Variants in LHFPL3 observed in about 807,000 individuals in gnomAD.
LHFPL3 encodes LHFPL tetraspan subfamily member 3 protein.
In LHFPL3, 5 loss-of-function variants were observed where a neutral mutation model predicts 19.3. That is an observed-to-expected ratio of 0.26 (90% CI 0.14 to 0.54). The LOEUF (loss-of-function observed/expected upper bound fraction) is 0.54, where lower values mean the gene tolerates loss of function less well. LHFPL3 is among the 20% of genes least tolerant of loss of function. LHFPL3 has a pLI of 0.94. For missense variants in LHFPL3, 249 were observed against 307.4 expected, an observed-to-expected ratio of 0.81 and a Z score of 1.42; for synonymous variants, 133 against 126.2, an observed-to-expected ratio of 1.05 and a Z score of -0.36.
intron 1 of LHFPL3, among the ~76,000 whole-genome samples, chr7:104,576,987 A>G (rs1420383993): frequency 1.3e-5 from 2 of 152,074 alleles, no homozygotes; most frequent in African/African-American, 4.8e-5. Context: ...CTCTATCTCC[A>G]TTCTTCTTTT....
chr7:104,584,725 T>A (rs1790532185), intron 1 of LHFPL3, among the ~76,000 whole-genome samples: 1 of 152,110 alleles, frequency 6.6e-6, no homozygotes, highest in African/African-American at 2.4e-5. Flanking sequence ...AAAATGCTCA[T>A]AGTGCCACTT....
intron 1 of LHFPL3, among the ~76,000 whole-genome samples, chr7:104,571,782 T>G (rs2115990954): frequency 6.6e-6 from 1 of 152,264 alleles, no homozygotes; most frequent in African/African-American, 2.4e-5. Context: ...GGCTAAACCT[T>G]CTCACTATTT....
rs1470608668 is a variant in LHFPL3, at chr7:104,399,662, C to T, written c.445+70438C>T. ...TTTTTTTTTTTTTTTTTGGTAGAGA[C>T]GGGGTTTCACCATATTGGCCAGGCT... On this transcript the variant is annotated intron_variant, in intron 1 of 2. Transcript: ENST00000424859. The surrounding 1 kb of genome is among the most constrained non-coding windows in gnomAD (Gnocchi z 4.4). Among the ~76,000 whole-genome samples, 7 of 145,670 alleles carry T rather than the reference C, an allele frequency of 4.8e-5. No individual in the cohort carries two copies. Among genetic ancestry groups the T allele is most frequent in the East Asian group, 2.1e-4 (1 of 4,864 alleles).
chr7:104,597,889 G>T (rs904837233), intron 1 of LHFPL3, among the ~76,000 whole-genome samples: 17 of 152,172 alleles, frequency 1.1e-4, no homozygotes, highest in Non-Finnish European at 2.1e-4. Context: ...ACAGGATCTA[G>T]TTTGAGGCAC....
intron 1 of LHFPL3, among the ~76,000 whole-genome samples, chr7:104,679,429 T>C (rs10279375): frequency 0.5 from 75,828 of 152,112 alleles, 19,255 homozygotes; most frequent in South Asian, 0.65. Context: ...CAAGTCCAGC[T>C]CATATTCAAG....
intron 2 of LHFPL3, among the ~76,000 whole-genome samples, chr7:104,877,633 G>C (rs927562573): frequency 6.6e-6 from 1 of 152,120 alleles, no homozygotes; most frequent in African/African-American, 2.4e-5. Context: ...TGTTGATGAA[G>C]ATATGGAGAA....
intron 1 of LHFPL3, among the ~76,000 whole-genome samples, chr7:104,391,085 C>G (rs537582132): frequency 6.6e-6 from 1 of 152,164 alleles, no homozygotes; most frequent in Admixed American, 6.5e-5. Flanking sequence ...TGGATATTAG[C>G]CCTTTGTCAG....
chr7:104,488,919 G>A (rs1486579112), intron 1 of LHFPL3, among the ~76,000 whole-genome samples: 1 of 152,200 alleles, frequency 6.6e-6, no homozygotes, highest in Non-Finnish European at 1.5e-5. Context: ...TAGGATTTCA[G>A]GCAAAGAGAA....
At chr7:104,665,818 A>T (rs541661369) in intron 1 of LHFPL3, among the ~76,000 whole-genome samples, 26 of 152,336 alleles carry the variant, frequency 1.7e-4, no homozygotes, top group African/African-American at 6.3e-4. Flanking sequence ...CTAGATTGAC[A>T]GGTGTCTTTA....
At chr7:104,760,110 G>A (rs1794348915) in intron 2 of LHFPL3, among the ~76,000 whole-genome samples, 2 of 152,176 alleles carry the variant, frequency 1.3e-5, no homozygotes, top group South Asian at 4.1e-4. Context: ...TTCAGAGTGA[G>A]GCCTGAGAAT....
At chr7:104,524,625 A>G (rs541760609) in intron 1 of LHFPL3, among the ~76,000 whole-genome samples, 4 of 152,212 alleles carry the variant, frequency 2.6e-5, no homozygotes, top group Non-Finnish European at 5.9e-5. Flanking sequence ...ACTGACTCAC[A>G]GTATTGTTCG....
intron 1 of LHFPL3, among the ~76,000 whole-genome samples, chr7:104,540,845 T>C (rs1405003147): frequency 1.3e-5 from 2 of 152,140 alleles, no homozygotes; most frequent in Admixed American, 6.5e-5. Context: ...CAGTCACTTA[T>C]TGATTATTCT....
At chr7:104,890,359 C>G (rs1048093874) in intron 2 of LHFPL3, among the ~76,000 whole-genome samples, 2 of 152,168 alleles carry the variant, frequency 1.3e-5, no homozygotes, top group African/African-American at 4.8e-5. Flanking sequence ...AGACAGGAGG[C>G]CTTACTGGTC....
At chr7:104,542,203 G>C (rs116594452) in intron 1 of LHFPL3, among the ~76,000 whole-genome samples, 2,432 of 152,154 alleles carry the variant, frequency 0.016, 58 homozygotes, top group African/African-American at 0.056. Flanking sequence ...TGAGGCCCCA[G>C]TTCCAGGACC....
chr7:104,477,531 A>G (rs762564658), intron 1 of LHFPL3, among the ~76,000 whole-genome samples: 5 of 152,162 alleles, frequency 3.3e-5, no homozygotes, highest in South Asian at 4.2e-4. Context: ...AAAGAAAGGT[A>G]AGTAGGAGCT....
chr7:104,706,003 C>G (rs1793185018), intron 1 of LHFPL3, among the ~76,000 whole-genome samples: 1 of 152,150 alleles, frequency 6.6e-6, no homozygotes, highest in Non-Finnish European at 1.5e-5. Context: ...GACCTTGACT[C>G]TGAGGTTGGC....
At chr7:104,586,660 A>G (rs1386474329) in intron 1 of LHFPL3, among the ~76,000 whole-genome samples, 3 of 152,164 alleles carry the variant, frequency 2.0e-5, no homozygotes, top group Non-Finnish European at 2.9e-5. Flanking sequence ...GGGTGAAAAC[A>G]TCTTTCACAT....
intron 1 of LHFPL3, among the ~76,000 whole-genome samples, chr7:104,390,549 T>C (rs900822827): frequency 3.3e-5 from 5 of 152,238 alleles, no homozygotes; most frequent in Non-Finnish European, 5.9e-5. Context: ...TTCCATGGTG[T>C]ATATGTGCTA....
intron 1 of LHFPL3, among the ~76,000 whole-genome samples, chr7:104,557,538 G>C (rs1789872240): frequency 6.6e-6 from 1 of 152,062 alleles, no homozygotes; most frequent in African/African-American, 2.4e-5. Context: ...ACAACACATG[G>C]GAATTGTGGG....
Sources: gnomAD v4.1 joint callset for allele counts (sites outside exome capture counted in the v4.1 genomes callset) on GRCh38, gnomAD v4.1.1 for gene constraint, Gnocchi (gnomAD v3.1) non-coding constraint, MANE v1.5 for transcripts, NCBI Gene and HGNC (gene_info 2026-07-23, HGNC 2026-07-21) for gene names.